Variants in PPP1R17 observed in about 807,000 individuals in gnomAD.
The protein encoded by PPP1R17 is protein phosphatase 1 regulatory subunit 17.
Under a neutral mutation model 15.9 loss-of-function variants are expected in PPP1R17, and 12 were observed. The observed-to-expected ratio is 0.75, with a 90% CI of 0.48 to 1.22. The LOEUF is 1.22. PPP1R17 is among the 50% of genes most tolerant of loss of function. The probability of loss-of-function intolerance (pLI) is 0.00; values close to 1 mark genes in which losing one functional copy is unlikely to be tolerated. For synonymous variants in PPP1R17, 63 were observed against 64.5 expected (o/e 0.98, Z 0.11); for missense variants, 211 against 187.3 (o/e 1.13, Z -0.74).
intron 4 of PPP1R17, among the ~76,000 whole-genome samples, chr7:31,698,833 AT>A (rs1447453869): frequency 6.6e-6 from 1 of 152,228 alleles, no homozygotes; most frequent in Non-Finnish European, 1.5e-5. Flanking sequence ...AGGAAGAGAT[AT>A]TTAAGCAGAG....
At chr7:31,702,227 C>T (rs761664035) in intron 4 of PPP1R17, among the ~76,000 whole-genome samples, 15 of 150,420 alleles carry the variant, frequency 1.0e-4, no homozygotes, top group Non-Finnish European at 2.1e-4. Flanking sequence ...TTGCCTCTAC[C>T]AATAGATTGT....
Position 31,697,084 on chromosome 7 carries a change from A to G in PPP1R17, c.355A>G (p.Thr119Ala). Residue 119 changes from threonine to alanine, a missense_variant, in exon 4 of 5, where the codon ACA becomes GCA. By Grantham distance (58) the Thr-to-Ala change is moderately conservative. Coordinates refer to ENST00000342032, the MANE Select transcript of PPP1R17 (RefSeq NM_006658.5). ...ACAGAAAAAGCCAAGGAGAAAAGACACACCTGCCCTGCACATGTCCCCCTT... is the reference window on the plus strand; with the variant it reads ...ACAGAAAAAGCCAAGGAGAAAAGACGCACCTGCCCTGCACATGTCCCCCTT... ...LEQKKPRRKD[T>A]PALHMSPFAA... 1.9e-6 allele frequency: 3 copies of G among 1,614,140 alleles called. No individual in the cohort carries two copies. Among genetic ancestry groups the G allele is most frequent in the Non-Finnish European group, 2.5e-6 (3 of 1,179,998 alleles).
intron 1 of PPP1R17, among the ~76,000 whole-genome samples, chr7:31,691,797 T>TTAA (rs758449347): frequency 2.3e-5 from 2 of 86,558 alleles, no homozygotes; most frequent in Non-Finnish European, 4.4e-5. Flanking sequence ...ATGTAATGAT[T>TTAA]AAAAAAAAAA....
intron 4 of PPP1R17, among the ~76,000 whole-genome samples, chr7:31,703,310 C>A (rs570002498): frequency 6.6e-6 from 1 of 152,218 alleles, no homozygotes; most frequent in African/African-American, 2.4e-5. Context: ...ATTCAAGGAA[C>A]AGCCTAACGG....
intron 2 of PPP1R17, among the ~76,000 whole-genome samples, chr7:31,694,830 A>G (rs1350881063): frequency 6.6e-6 from 1 of 152,196 alleles, no homozygotes; most frequent in Non-Finnish European, 1.5e-5. Context: ...CCAGGCTTCA[A>G]AGCTCTGGTG....
chr7:31,692,128 ACT>A (rs1346725113), intron 1 of PPP1R17, among the ~76,000 whole-genome samples: 3 of 152,186 alleles, frequency 2.0e-5, no homozygotes, highest in Non-Finnish European at 4.4e-5. Flanking sequence ...TTATTCTGAA[ACT>A]CTCAATGTGT....
At chr7:31,689,794 T>A (rs1316631405) in intron 1 of PPP1R17, among the ~76,000 whole-genome samples, 1 of 152,220 alleles carries the variant, frequency 6.6e-6, no homozygotes, top group East Asian at 1.9e-4. Flanking sequence ...TCATTCATGA[T>A]AAAAGTATCT....
At position 31,707,608 on chromosome 7, in the gene PPP1R17, A is replaced by T. The variant is rs904217941; in HGVS notation, c.*325A>T. 8.0e-6 allele frequency: 2 copies of T among 250,506 alleles called. No individual in the cohort carries two copies. The highest frequency in any genetic ancestry group is 2.2e-5 in the African/African-American group (1 of 44,596). 15.5% of individuals were successfully genotyped at this position (250,506 alleles called of 1,614,324 possible). A position where few individuals can be genotyped will look rare whatever the true frequency, so the allele number is the denominator to read the frequency against. On this transcript the variant is annotated 3_prime_UTR_variant, in exon 5 of 5. Coordinates refer to ENST00000342032, the MANE Select transcript of PPP1R17 (RefSeq NM_006658.5). ...TTCTGGATCAATTCACGGAACAGAGATCGTGGATTACATGGGCTCCTTCTT... is the reference window on the plus strand; with the variant it reads ...TTCTGGATCAATTCACGGAACAGAGTTCGTGGATTACATGGGCTCCTTCTT...
At chr7:31,705,975 ACAGAC>A (rs1583861228) in intron 4 of PPP1R17, among the ~76,000 whole-genome samples, 1 of 130,974 alleles carries the variant, frequency 7.6e-6, no homozygotes, top group Non-Finnish European at 1.6e-5. Flanking sequence ...TCTGAATTTC[ACAGAC>A]CAGTAATTTT....
At chr7:31,697,297 C>T (rs947196471) in intron 4 of PPP1R17, among the ~76,000 whole-genome samples, 180 bp downstream of exon 4, 4 of 152,158 alleles carry the variant, frequency 2.6e-5, no homozygotes, top group Admixed American at 2.6e-4. Flanking sequence ...CTAGTAGCTC[C>T]CCAGGGGCTG....
intron 1 of PPP1R17, among the ~76,000 whole-genome samples, chr7:31,691,186 A>C (rs2284227): frequency 0.21 from 31,722 of 152,156 alleles, 3,840 homozygotes; most frequent in East Asian, 0.47. Context: ...TCAAGTGATC[A>C]GTTAATAGCT....
chr7:31,688,516 G>A (rs944179295), intron 1 of PPP1R17, among the ~76,000 whole-genome samples: 3 of 152,226 alleles, frequency 2.0e-5, no homozygotes, highest in African/African-American at 7.2e-5. Flanking sequence ...CTGCCTTTCT[G>A]CAATATAGTG....
chr7:31,698,063 T>G (rs539238109), intron 4 of PPP1R17, among the ~76,000 whole-genome samples: 2 of 152,334 alleles, frequency 1.3e-5, no homozygotes, highest in South Asian at 4.2e-4. Context: ...AACCTAGGTC[T>G]ATCTCACCTT....
At chr7:31,702,736 T>G (rs1419276587) in intron 4 of PPP1R17, among the ~76,000 whole-genome samples, 1 of 152,240 alleles carries the variant, frequency 6.6e-6, no homozygotes, top group East Asian at 1.9e-4. Context: ...CTTATGTTTC[T>G]GGTATTGATC....
chr7:31,690,970 A>G (rs1792317810), intron 1 of PPP1R17, among the ~76,000 whole-genome samples: 1 of 152,202 alleles, frequency 6.6e-6, no homozygotes. Context: ...AAATAGGTGC[A>G]TAAGACCATA....
rs1341142358 is a variant in PPP1R17, at chr7:31,697,005, A to G, written c.276A>G (p.Gln92=). The part of the protein sequence containing the change: ...SEHLIKRYDV[Q]ERHPKGKMIP... Reference sequence around the variant, plus strand: ...ATTTAATTAAAAGATACGATGTTCAAGAGAGACATCCAAAGGGCAAAATGA... The same window carrying G: ...ATTTAATTAAAAGATACGATGTTCAGGAGAGACATCCAAAGGGCAAAATGA... Residue 92 remains glutamine (Q), a synonymous_variant, in exon 4 of 5, where the codon CAA becomes CAG. Coordinates refer to ENST00000342032, the MANE Select transcript of PPP1R17 (RefSeq NM_006658.5). 1 of 1,614,196 alleles carries G rather than the reference A, an allele frequency of 6.2e-7. No individual in the cohort carries two copies.
chr7:31,694,482 G>A (rs1583833309), intron 2 of PPP1R17, among the ~76,000 whole-genome samples: 1 of 151,872 alleles, frequency 6.6e-6, no homozygotes, highest in African/African-American at 2.4e-5. Context: ...AAATGAAGGT[G>A]CAAGTTCTCA....
At chr7:31,688,090 T>C (rs2128236301) in intron 1 of PPP1R17, among the ~76,000 whole-genome samples, 1 of 152,260 alleles carries the variant, frequency 6.6e-6, no homozygotes, top group South Asian at 2.1e-4. Flanking sequence ...TAATCACAAA[T>C]GGAGGACTGA....
chr7:31,689,980 A>G (rs975620606), intron 1 of PPP1R17, among the ~76,000 whole-genome samples: 6 of 152,200 alleles, frequency 3.9e-5, no homozygotes, highest in African/African-American at 1.4e-4. Context: ...AGACAAGATG[A>G]GCTATGCTGT....
Sources: allele counts gnomAD v4.1 joint callset (sites outside exome capture counted in the v4.1 genomes callset), GRCh38; gene constraint gnomAD v4.1.1; transcripts MANE v1.5; gene names NCBI Gene and HGNC (gene_info 2026-07-23, HGNC 2026-07-21).